The following MGAT5 variants were observed in gnomAD, a reference collection of about 807,000 sequenced individuals.
The protein encoded by MGAT5 is alpha-1,6-mannosylglycoprotein 6-beta-N-acetylglucosaminyltransferase A.
MGAT5 carries 30 observed loss-of-function variants against 94.3 expected under a neutral mutation model. The ratio of observed to expected loss-of-function variants is 0.32; its 90% CI spans 0.24 to 0.43. The LOEUF (loss-of-function observed/expected upper bound fraction) is 0.43. Ranked by LOEUF, MGAT5 falls within the 20% of genes least tolerant of loss-of-function variation. The probability of loss-of-function intolerance (pLI) is 1.00; values close to 1 mark genes in which losing one functional copy is unlikely to be tolerated. For synonymous variants in MGAT5, 310 were observed against 322.9 expected, an observed-to-expected ratio of 0.96 and a Z score of 0.43; for missense variants, 691 against 905.5, an observed-to-expected ratio of 0.76 and a Z score of 3.04.
chr2:134,374,057 T>C (rs955268739), intron 10 of MGAT5, among the ~76,000 whole-genome samples: 2 of 152,100 alleles, frequency 1.3e-5, no homozygotes, highest in Non-Finnish European at 2.9e-5. Context: ...GAAACAGAAG[T>C]GTGTGTAGAT....
intron 11 of MGAT5, 24 bp from the exon 12 acceptor site, chr2:134,412,845 G>C: frequency 6.2e-7 from 1 of 1,613,674 alleles, no homozygotes; most frequent in Non-Finnish European, 8.5e-7. Flanking sequence ...GTGTTCATAC[G>C]CTGTGTGGTT....
Position 134,281,687 on chromosome 2 carries a change from C to T in MGAT5, c.406+11137C>T, listed in dbSNP as rs561383695. On this transcript the variant is annotated intron_variant, in intron 2 of 15. Coordinates refer to ENST00000281923, the MANE Select transcript of MGAT5 (RefSeq NM_002410.5). ...CAAACTTAAGCAGATCCAGAAACTG[C>T]CTGACCCTTTACTGTACCTTCCCAC... Among the ~76,000 whole-genome samples the T allele has an allele frequency of 8.5e-5, 13 of 152,304 alleles. No individual in the cohort carries two copies. The East Asian group carries it at 2.3e-3, about 27-fold the overall frequency.
chr2:134,352,825 G>C (rs1220133225), intron 9 of MGAT5, among the ~76,000 whole-genome samples: 7 of 152,036 alleles, frequency 4.6e-5, no homozygotes, highest in Non-Finnish European at 1.0e-4. Context: ...CCACACAAGT[G>C]GATAAAGAAA....
intron 11 of MGAT5, among the ~76,000 whole-genome samples, chr2:134,411,337 G>A (rs1574043438): frequency 1.3e-5 from 2 of 152,206 alleles, no homozygotes; most frequent in South Asian, 4.2e-4. Flanking sequence ...ATCTCTGGTG[G>A]TTCTGCTGCC....
At chr2:134,347,707 A>G (rs7559251) in intron 8 of MGAT5, among the ~76,000 whole-genome samples, 6,625 of 152,228 alleles carry the variant, frequency 0.044, 486 homozygotes, top group African/African-American at 0.15. Context: ...GTACTATACC[A>G]CTTTATATAA....
intron 1 of MGAT5, among the ~76,000 whole-genome samples, chr2:134,166,307 G>A (rs1187857085): frequency 2.6e-5 from 4 of 152,154 alleles, no homozygotes; most frequent in African/African-American, 9.7e-5. Flanking sequence ...CAACAGTAAG[G>A]GCACAAGTTT....
intron 13 of MGAT5, among the ~76,000 whole-genome samples, chr2:134,424,745 A>T (rs539197013): frequency 6.6e-6 from 1 of 152,334 alleles, no homozygotes; most frequent in Admixed American, 6.5e-5. Flanking sequence ...CAGCAGGGTC[A>T]TGGCCCACCC....
intron 1 of MGAT5, among the ~76,000 whole-genome samples, chr2:134,174,332 G>C (rs1314299415): frequency 6.6e-6 from 1 of 152,244 alleles, no homozygotes; most frequent in Admixed American, 6.5e-5. Flanking sequence ...TACTGCCAAA[G>C]AAAGTAGAGA....
intron 1 of MGAT5, among the ~76,000 whole-genome samples, chr2:134,195,622 C>T (rs1433267846): frequency 6.6e-6 from 1 of 152,120 alleles, no homozygotes; most frequent in African/African-American, 2.4e-5. Flanking sequence ...GGATGAGTGT[C>T]CTTTGGCCTT....
At position 134,130,266 on chromosome 2, in the gene MGAT5, CG is replaced by C. The variant is rs1309805021; in HGVS notation, c.-143+9976del. 8.4e-4 allele frequency among the ~76,000 whole-genome samples: 127 copies of C among 150,948 alleles called. 7 individuals carry two copies. Among genetic ancestry groups the C allele is most frequent in the East Asian group, 5.9e-3 (30 of 5,076 alleles). On this transcript the variant is annotated intron_variant, in intron 1 of 16. Coordinates refer to the MGAT5 transcript ENST00000409645. ...CACACCGCCCCACACCGCCCCACAC[CG>C]CCCCACACCCTGGCGGTGGGCTCCC...
At chr2:134,269,477 T>G (rs1683898090) in intron 1 of MGAT5, among the ~76,000 whole-genome samples, 1 of 152,238 alleles carries the variant, frequency 6.6e-6, no homozygotes, top group Non-Finnish European at 1.5e-5. Flanking sequence ...CTGGATTCTA[T>G]TTCTGTGGAT....
chr2:134,338,857 G>A (rs2012533), intron 6 of MGAT5, among the ~76,000 whole-genome samples: 96,406 of 151,676 alleles, frequency 0.64, 31,697 homozygotes, highest in Admixed American at 0.72. Context: ...TGCCCGTAGG[G>A]GAGAGAGAGA....
At chr2:134,439,723 T>G (rs922279832) in intron 14 of MGAT5, among the ~76,000 whole-genome samples, 1 of 150,768 alleles carries the variant, frequency 6.6e-6, no homozygotes, top group Non-Finnish European at 1.5e-5. Flanking sequence ...AAGCACAAGG[T>G]TAAAAAAAAA....
chr2:134,313,798 C>T (rs1686841340), intron 2 of MGAT5, among the ~76,000 whole-genome samples: 1 of 152,084 alleles, frequency 6.6e-6, no homozygotes, highest in Non-Finnish European at 1.5e-5. Flanking sequence ...GATGCTGAGG[C>T]TTGAGGTCCC....
chr2:134,138,906 G>A (rs1686540391), intron 1 of MGAT5, among the ~76,000 whole-genome samples: 1 of 152,158 alleles, frequency 6.6e-6, no homozygotes, highest in South Asian at 2.1e-4. Flanking sequence ...TCCCCCTACT[G>A]ATAAGGTACA....
At chr2:134,134,094 G>A (rs532339866) in intron 1 of MGAT5, among the ~76,000 whole-genome samples, 2 of 152,264 alleles carry the variant, frequency 1.3e-5, no homozygotes, top group African/African-American at 4.8e-5. Context: ...TTAGCAACAG[G>A]GAAGCGGGCC....
chr2:134,349,701 G>A (rs1679249712), intron 8 of MGAT5, 104 bp from the exon 9 acceptor site: 1 of 1,282,424 alleles, frequency 7.8e-7, no homozygotes, highest in South Asian at 1.4e-5. Context: ...CTATTTAAAA[G>A]GATTTACCTA....
chr2:134,391,158 G>A (rs1265439103), intron 10 of MGAT5, among the ~76,000 whole-genome samples: 10 of 152,150 alleles, frequency 6.6e-5, no homozygotes, highest in Non-Finnish European at 2.9e-5. Flanking sequence ...GAGGATTAGG[G>A]CTCCATTGGC....
intron 2 of MGAT5, among the ~76,000 whole-genome samples, chr2:134,312,889 G>T (rs17715461): frequency 0.15 from 22,754 of 151,930 alleles, 1,845 homozygotes; most frequent in Middle Eastern, 0.38. Context: ...ATGTATCAAG[G>T]CAAGTTATCC....
Sources: allele counts gnomAD v4.1 joint callset (sites outside exome capture counted in the v4.1 genomes callset), GRCh38; gene constraint gnomAD v4.1.1; transcripts MANE v1.5; gene names NCBI Gene and HGNC (gene_info 2026-07-23, HGNC 2026-07-21).